ARHGEF4: variants seen among roughly 807,000 people sequenced by gnomAD.
ARHGEF4 encodes APC-stimulated guanine nucleotide exchange factor 1.
Under a neutral mutation model 162.0 loss-of-function variants are expected in ARHGEF4, and 119 were observed. The observed-to-expected ratio is 0.73, with a 90% CI of 0.63 to 0.86. The LOEUF (loss-of-function observed/expected upper bound fraction) is 0.86. Ranked by LOEUF, ARHGEF4 falls within the 40% of genes least tolerant of loss-of-function variation. The pLI is 0.00. For missense variants in ARHGEF4, 2,488 were observed against 2,456.0 expected (o/e 1.01, Z -0.28); for synonymous variants, 1,014 against 979.9 (o/e 1.03, Z -0.65).
chr2:130,893,544 G>A (rs941857456), intron 1 of ARHGEF4, among the ~76,000 whole-genome samples: 1 of 152,190 alleles, frequency 6.6e-6, no homozygotes, highest in Non-Finnish European at 1.5e-5. Flanking sequence ...GTTGGGGCAC[G>A]GTGCTGGGAG....
rs1462348069 is a variant in ARHGEF4 at position 130,915,620 on chromosome 2, A to G, written c.1674A>G (p.Lys558=). The G allele has an allele frequency of 1.3e-6, 2 of 1,550,374 alleles. No individual in the cohort carries two copies. Among genetic ancestry groups the G allele is most frequent in the Admixed American group, 3.9e-5 (2 of 50,984 alleles). The change falls in exon 2 of 14, where the codon AAA becomes AAG. Residue 558 remains lysine (K), a synonymous_variant. Transcript: ENST00000409359. ...CAGATGCCCCTGAGACCACCCAGAAATCAAGCGCAATAGACACTTCAAAGG... is the reference window on the plus strand; with the variant it reads ...CAGATGCCCCTGAGACCACCCAGAAGTCAAGCGCAATAGACACTTCAAAGG... ...DSSDAPETTQ[K]SSAIDTSKAA...
intron 4 of ARHGEF4, among the ~76,000 whole-genome samples, chr2:130,947,610 T>C (rs1365467957): frequency 2.6e-5 from 4 of 152,186 alleles, no homozygotes. Flanking sequence ...TGGCAGCCTG[T>C]ATGAGTCCTT....
At chr2:130,898,001 G>A (rs1559026338) in intron 1 of ARHGEF4, among the ~76,000 whole-genome samples, 1 of 152,190 alleles carries the variant, frequency 6.6e-6, no homozygotes, top group Non-Finnish European at 1.5e-5. Context: ...TGGTGAGTGT[G>A]CCAGAAGAAA....
intron 4 of ARHGEF4, among the ~76,000 whole-genome samples, chr2:131,002,265 C>T (rs777129420): frequency 1.3e-5 from 2 of 152,090 alleles, no homozygotes; most frequent in Non-Finnish European, 2.9e-5. Context: ...TCTCTTTACT[C>T]CTGGAATTAG....
At chr2:130,990,479 GA>G (rs1173060658) in intron 4 of ARHGEF4, among the ~76,000 whole-genome samples, 52 of 152,196 alleles carry the variant, frequency 3.4e-4, no homozygotes, top group Admixed American at 2.9e-3. Context: ...TGTGCACTGG[GA>G]AAGAACTTCC....
chr2:130,903,332 T>C (rs915791312), intron 1 of ARHGEF4, among the ~76,000 whole-genome samples: 1 of 151,948 alleles, frequency 6.6e-6, no homozygotes, highest in Non-Finnish European at 1.5e-5. Flanking sequence ...GATCTCGGCT[T>C]ACTGAAACCT....
intron 1 of ARHGEF4, among the ~76,000 whole-genome samples, chr2:130,910,150 C>G (rs145293940): frequency 6.6e-6 from 1 of 152,018 alleles, no homozygotes; most frequent in African/African-American, 2.4e-5. Flanking sequence ...TACGTAATTA[C>G]CTATGTAACA....
At chr2:130,852,826 C>T (rs1681506040) in intron 1 of ARHGEF4, among the ~76,000 whole-genome samples, 1 of 152,198 alleles carries the variant, frequency 6.6e-6, no homozygotes, top group Admixed American at 6.5e-5. Flanking sequence ...AGGCACCACT[C>T]CTCAGGGTTG....
chr2:130,905,348 T>C (rs373101383), intron 1 of ARHGEF4, among the ~76,000 whole-genome samples: 1 of 152,322 alleles, frequency 6.6e-6, no homozygotes, highest in African/African-American at 2.4e-5. Context: ...AATGAACATG[T>C]CACATTGCTG....
chr2:130,893,735 G>A lies in ARHGEF4; in HGVS notation c.40-20251G>A, dbSNP rs145549903. Among the ~76,000 whole-genome samples the A allele has an allele frequency of 2.5e-3, 385 of 152,288 alleles. 8 individuals carry two copies. Among genetic ancestry groups the A allele is most frequent in the Non-Finnish European group, 8.1e-4 (55 of 68,026 alleles). ...GAGAGCCTGAGCCTCTGTTTTGATC[G>A]ATCAGATGTGGTCCCAGTCCCCTGC... On this transcript the variant is annotated intron_variant, in intron 1 of 13. Coordinates refer to ENST00000409359, the MANE Select transcript of ARHGEF4 (RefSeq NM_001367493.1).
At chr2:130,843,596 C>T (rs541694532) in intron 1 of ARHGEF4, among the ~76,000 whole-genome samples, 3 of 152,242 alleles carry the variant, frequency 2.0e-5, no homozygotes, top group African/African-American at 7.2e-5. Flanking sequence ...AGGGGGGGCA[C>T]GGTTCCCACC....
At chr2:130,902,874 A>G (rs1298774774) in intron 1 of ARHGEF4, among the ~76,000 whole-genome samples, 1 of 152,064 alleles carries the variant, frequency 6.6e-6, no homozygotes, top group Non-Finnish European at 1.5e-5. Context: ...CTAAAACCCA[A>G]GAAGAGATGG....
chr2:130,939,953 A>T (rs568426443), intron 3 of ARHGEF4, among the ~76,000 whole-genome samples: 1 of 152,320 alleles, frequency 6.6e-6, no homozygotes, highest in South Asian at 2.1e-4. Context: ...ACTCTGCTGA[A>T]TTCATTTGTT....
At chr2:131,003,499 A>G (rs1365505050) in intron 4 of ARHGEF4, among the ~76,000 whole-genome samples, 1 of 152,238 alleles carries the variant, frequency 6.6e-6, no homozygotes, top group Admixed American at 6.5e-5. Context: ...GTTGATGGGA[A>G]GGCACAATTC....
At chr2:130,994,506 G>A (rs1402701480) in intron 4 of ARHGEF4, among the ~76,000 whole-genome samples, 4 of 152,072 alleles carry the variant, frequency 2.6e-5, no homozygotes, top group Admixed American at 1.3e-4. Flanking sequence ...CTGACTTATA[G>A]GCCATTGTTT....
chr2:130,873,583 A>G (rs1678632109), intron 1 of ARHGEF4, among the ~76,000 whole-genome samples: 1 of 141,884 alleles, frequency 7.0e-6, no homozygotes, highest in Non-Finnish European at 1.5e-5. Flanking sequence ...GTGAAACTCC[A>G]TCTCAAAAAA....
chr2:131,009,523 T>C (rs565177447), intron 4 of ARHGEF4, among the ~76,000 whole-genome samples: 1 of 152,338 alleles, frequency 6.6e-6, no homozygotes, highest in African/African-American at 2.4e-5. Flanking sequence ...AGTCACTAAG[T>C]TGCTGTTCAT....
At chr2:130,859,582 CA>C (rs1330353958) in intron 1 of ARHGEF4, among the ~76,000 whole-genome samples, 33 of 672 alleles carry the variant, frequency 0.049, 3 homozygotes, top group African/African-American at 0.1. Flanking sequence ...GACTCCAACT[CA>C]AAAAAAAAAA....
chr2:130,917,823 C>CTT (rs72157600), intron 2 of ARHGEF4, among the ~76,000 whole-genome samples: 5 of 106,950 alleles, frequency 4.7e-5, no homozygotes, highest in Non-Finnish European at 7.9e-5. Flanking sequence ...TTCTTTTTTT[C>CTT]TTTTTTTTTT....
Sources: gnomAD v4.1 joint callset for allele counts (sites outside exome capture counted in the v4.1 genomes callset) on GRCh38, gnomAD v4.1.1 for gene constraint, MANE v1.5 for transcripts, NCBI Gene and HGNC (gene_info 2026-07-23, HGNC 2026-07-21) for gene names.